DHX8: variants seen among roughly 807,000 people sequenced by gnomAD.
DHX8 encodes the protein DEAH-box helicase 8, also known as ATP-dependent RNA helicase DHX8.
A neutral mutation model predicts 140.7 loss-of-function variants in DHX8; 67 were observed. The ratio of observed to expected loss-of-function variants is 0.48; its 90% CI spans 0.39 to 0.58. The LOEUF (loss-of-function observed/expected upper bound fraction) is 0.58. Ranked by LOEUF, DHX8 falls within the 20% of genes least tolerant of loss-of-function variation. The probability of loss-of-function intolerance (pLI) is 0.00; values close to 1 mark genes in which losing one functional copy is unlikely to be tolerated. For missense variants in DHX8, 887 were observed against 1,550.7 expected (o/e 0.57, Z 7.19); for synonymous variants, 533 against 553.2 (o/e 0.96, Z 0.51).
At chr17:43,530,557 T>G (rs149159894), downstream of DHX8, 395 of 580,764 alleles carry the variant, frequency 6.8e-4, 4 homozygotes, top group East Asian at 0.018. Context: ...TCCCTCAGAA[T>G]GGACAAAAAT....
Position 43,498,929 on chromosome 17 carries a change from C to T in DHX8, c.1368C>T (p.Ser456=). 1 of 1,586,842 alleles carries T rather than the reference C, an allele frequency of 6.3e-7. No homozygotes were observed. The highest frequency in any genetic ancestry group is 1.2e-5 in the South Asian group (1 of 86,566). ...TCCTGAGAGGGCACACTAAGCAAAGCATGGACATGAGCCCCATTAAAATTG... is the reference window on the plus strand; with the variant it reads ...TCCTGAGAGGGCACACTAAGCAAAGTATGGACATGAGCCCCATTAAAATTG... The part of the protein sequence containing the change: ...PPFLRGHTKQ[S]MDMSPIKIVK... The change falls in exon 10 of 23, where the codon AGC becomes AGT. Residue 456 remains serine (S), a synonymous_variant. Transcript: ENST00000262415.
chr17:43,504,897 T>G (rs555729181), intron 12 of DHX8, 72 bp downstream of exon 12: 2 of 1,390,908 alleles, frequency 1.4e-6, no homozygotes, highest in Admixed American at 2.2e-5. Context: ...ATTTTTAAAC[T>G]GAAACTAACG....
chr17:43,518,735 C>T (rs943702914), intron 18 of DHX8: 16 of 152,116 alleles, frequency 1.1e-4, no homozygotes, highest in Non-Finnish European at 1.9e-4. Context: ...AACTCTGTAC[C>T]CATTAAACAG....
At chr17:43,526,794 G>T, downstream of DHX8, 1 of 1,046,134 alleles carries the variant, frequency 9.6e-7, no homozygotes, top group Non-Finnish European at 1.3e-6. Flanking sequence ...TTTAAAACCT[G>T]TTTTTAAAAT....
chr17:43,502,549 A>G (rs1017696035), intron 11 of DHX8, among the ~76,000 whole-genome samples: 1 of 152,154 alleles, frequency 6.6e-6, no homozygotes, highest in African/African-American at 2.4e-5. Context: ...CTCAGCCTCA[A>G]GTAGCTGGGA....
rs114284282 is a variant in DHX8 at position 43,533,964 on chromosome 17, G to C, written c.351-2448G>C. On this transcript the variant is annotated intron_variant, in intron 2 of 3. Coordinates refer to the DHX8 transcript ENST00000589898. ...ACTCTGGGGCTCCTTCTTGATCCTG[G>C]TGGTGGGGCTGTGGAAAGCTACTGT... 3.0e-3 allele frequency: 4,601 copies of C among 1,538,556 alleles called. 99 individuals carry two copies. The African/African-American group carries it at 0.05, about 17-fold the overall frequency.
In DHX8 at chr17:43,493,483, G is replaced by A; in HGVS notation, c.902G>A (p.Arg301Gln). The A allele has an allele frequency of 6.2e-7, 1 of 1,614,172 alleles. No individual in the cohort carries two copies. The highest frequency in any genetic ancestry group is 8.5e-7 in the Non-Finnish European group (1 of 1,180,026). ...WEGLVHISEL[R>Q]REGRVANVAD... Reference sequence around the variant, plus strand: ...GGCCTGGTGCACATCTCTGAGCTCCGGCGGGAGGGTCGTGTGGCCAATGTA... The same window carrying A: ...GGCCTGGTGCACATCTCTGAGCTCCAGCGGGAGGGTCGTGTGGCCAATGTA... Residue 301 changes from arginine (R) to glutamine (Q), a missense_variant, in exon 7 of 23, where the codon CGG becomes CAG. This residue lies in a region of DHX8 where 98 missense variants were observed against 152.7 expected (regional missense o/e 0.64). Coordinates refer to ENST00000262415, the MANE Select transcript of DHX8 (RefSeq NM_004941.3).
chr17:43,541,003 A>C (rs188039457), intron 3 of DHX8, among the ~76,000 whole-genome samples: 1 of 152,048 alleles, frequency 6.6e-6, no homozygotes, highest in African/African-American at 2.4e-5. Context: ...AGAGCAGAGA[A>C]CCCTCAGCAT....
In DHX8 at chr17:43,500,003, G is replaced by A. The variant is rs531749873; in HGVS notation, c.1446G>A (p.Leu482=). 1.8e-4 allele frequency: 298 copies of A among 1,614,120 alleles called. 6 individuals carry two copies. The South Asian group carries it at 3.1e-3, about 17-fold the overall frequency. ...AAGCAGCAATGATGCAGAGTGCCTTGGCCAAAGAAAGGCGGGAACTCAAAC... is the reference window on the plus strand; with the variant it reads ...AAGCAGCAATGATGCAGAGTGCCTTAGCCAAAGAAAGGCGGGAACTCAAAC... ...LSQAAMMQSA[L]AKERRELKQA... The change falls in exon 11 of 23, where the codon TTG becomes TTA. Residue 482 remains leucine, a synonymous_variant. Transcript: ENST00000262415.
At chr17:43,508,630 T>A in intron 16 of DHX8, 110 bp downstream of exon 16, 1 of 708,982 alleles carries the variant, frequency 1.4e-6, no homozygotes, top group Non-Finnish European at 2.2e-6. Flanking sequence ...TTTTTTTTTT[T>A]TTTTTCCTCG....
At chr17:43,493,377 A>T in intron 6 of DHX8, 68 bp from the exon 7 acceptor site, 2 of 1,577,580 alleles carry the variant, frequency 1.3e-6, no homozygotes, top group Middle Eastern at 2.2e-4. Flanking sequence ...TAGTTCCAGT[A>T]AGGGTAGAAA....
intron 11 of DHX8, 86 bp from the exon 12 acceptor site, chr17:43,504,558 C>A: frequency 7.6e-7 from 1 of 1,323,664 alleles, no homozygotes; most frequent in Non-Finnish European, 1.0e-6. Context: ...GCTGCATGTG[C>A]AGTGCCCGCA....
In DHX8 at chr17:43,490,457, A is replaced by G; in HGVS notation, c.301A>G (p.Ser101Gly). The G allele has an allele frequency of 1.9e-6, 3 of 1,613,240 alleles. No individual in the cohort carries two copies. The highest frequency in any genetic ancestry group is 2.5e-6 in the Non-Finnish European group (3 of 1,179,456). ...TMRPPAKPSTSKDPVVKPKTE... is the reference protein window; with the variant it reads ...TMRPPAKPSTGKDPVVKPKTE... Reference sequence around the variant, plus strand: ...GCGGCCTCCAGCGAAGCCTTCCACTAGCAAAGGTAAGCAGAGCTTCCAGCT... The same window carrying G: ...GCGGCCTCCAGCGAAGCCTTCCACTGGCAAAGGTAAGCAGAGCTTCCAGCT... Residue 101 changes from serine (S) to glycine (G), a missense_variant, in exon 3 of 23, where the codon AGC becomes GGC. Coordinates refer to ENST00000262415, the MANE Select transcript of DHX8 (RefSeq NM_004941.3).
intron 16 of DHX8, among the ~76,000 whole-genome samples, chr17:43,512,382 A>G (rs9895862): frequency 0.64 from 93,392 of 145,176 alleles, 32,233 homozygotes; most frequent in African/African-American, 0.91. Flanking sequence ...GTGAGACTCT[A>G]TCTCAAAAAA....
intron 1 of DHX8, among the ~76,000 whole-genome samples, chr17:43,485,560 A>G (rs1485260682): frequency 6.6e-6 from 1 of 152,042 alleles, no homozygotes; most frequent in East Asian, 1.9e-4. Context: ...CGGTTTTGCT[A>G]TCTCGTTAAT....
Position 43,492,928 on chromosome 17 carries a change from G to A in DHX8, c.751G>A (p.Asp251Asn). 6.2e-7 allele frequency: 1 copy of A among 1,614,184 alleles called. No homozygotes were observed. Among genetic ancestry groups the A allele is most frequent in the Non-Finnish European group, 8.5e-7 (1 of 1,180,048 alleles). ...YGERNLDRWR[D>N]KHVDRPPPEE... ...AGAGCGGAATCTGGATAGATGGCGGGATAAGCATGTGGACCGCCCTCCTCC... is the reference window on the plus strand; with the variant it reads ...AGAGCGGAATCTGGATAGATGGCGGAATAAGCATGTGGACCGCCCTCCTCC... Residue 251 changes from aspartate to asparagine, a missense_variant, in exon 6 of 23, where the codon GAT becomes AAT. Physicochemically the swap from Asp to Asn is conservative, Grantham distance 23. Around this residue, in one of 9 missense-constraint regions of DHX8, gnomAD observed 304 missense variants for 306.9 expected, o/e 0.99. Coordinates refer to ENST00000262415, the MANE Select transcript of DHX8 (RefSeq NM_004941.3).
In DHX8 at chr17:43,492,925, C is replaced by G; in HGVS notation, c.748C>G (p.Arg250Gly). The change falls in exon 6 of 23, where the codon CGG becomes GGG. Residue 250 changes from arginine to glycine, a missense_variant. By Grantham distance (125) the Arg-to-Gly change is moderately radical. Around this residue, in one of 9 missense-constraint regions of DHX8, gnomAD observed 304 missense variants for 306.9 expected, o/e 0.99. Transcript: ENST00000262415. ...TGGAGAGCGGAATCTGGATAGATGG[C>G]GGGATAAGCATGTGGACCGCCCTCC... is the stretch of plus-strand genomic sequence containing the variant. ...KYGERNLDRW[R>G]DKHVDRPPPE... 3 of 1,614,110 alleles carry G rather than the reference C, an allele frequency of 1.9e-6. No homozygotes were observed. The highest frequency in any genetic ancestry group is 2.5e-6 in the Non-Finnish European group (3 of 1,180,034).
chr17:43,524,623 CAGA>C lies in DHX8; in HGVS notation c.*779_*781del, dbSNP rs1970540857. 1 of 985,496 alleles carries C rather than the reference CAGA, an allele frequency of 1.0e-6. No individual in the cohort carries two copies. The highest frequency in any genetic ancestry group is 1.2e-6 in the Non-Finnish European group (1 of 829,978). The allele number at this position is 985,496 out of a possible 1,614,324, so 61.0% of individuals were successfully genotyped here. A position where few individuals can be genotyped will look rare whatever the true frequency, so the allele number is the denominator to read the frequency against. On this transcript the variant is annotated 3_prime_UTR_variant, in exon 23 of 23. Coordinates refer to ENST00000262415, the MANE Select transcript of DHX8 (RefSeq NM_004941.3). The stretch of plus-strand genomic sequence containing the variant: ...GGCTACAGATGGCACATATTAAATA[CAGA>C]AGGTTTCCCCTTGCTCCCTCCACCT...
intron 1 of DHX8, among the ~76,000 whole-genome samples, chr17:43,485,123 G>A (rs760038552): frequency 2.0e-5 from 3 of 152,206 alleles, no homozygotes; most frequent in Non-Finnish European, 4.4e-5. Context: ...CCTTTGGTAC[G>A]TACAGCAAGG....
Sources: gnomAD v4.1 joint callset for allele counts (sites outside exome capture counted in the v4.1 genomes callset) on GRCh38, gnomAD v4.1.1 for gene constraint, gnomAD v4.1.1 regional missense constraint, MANE v1.5 for transcripts, NCBI Gene and HGNC (gene_info 2026-07-23, HGNC 2026-07-21) for gene names.